The following EPS8 variants were observed in gnomAD, a reference collection of about 807,000 sequenced individuals.
EPS8 encodes the protein EGFR pathway substrate 8, signaling adaptor, also known as epidermal growth factor receptor kinase substrate 8.
EPS8 carries 42 observed loss-of-function variants against 103.8 expected under a neutral mutation model. The ratio of observed to expected loss-of-function variants is 0.40; its 90% confidence interval spans 0.32 to 0.52. The LOEUF (loss-of-function observed/expected upper bound fraction) is 0.52, where lower values mean the gene tolerates loss of function less well. Ranked by LOEUF, EPS8 falls within the 20% of genes least tolerant of loss-of-function variation. The pLI is 0.40. For synonymous variants in EPS8, 344 were observed against 344.6 expected, an observed-to-expected ratio of 1.00 and a Z score of 0.02; for missense variants, 969 against 1,005.1, an observed-to-expected ratio of 0.96 and a Z score of 0.49.
chr12:15,786,094 GTTCC>G (rs1947308211), intron 1 of EPS8, among the ~76,000 whole-genome samples: 1 of 151,986 alleles, frequency 6.6e-6, no homozygotes, highest in African/African-American at 2.4e-5. Context: ...GCTATACACA[GTTCC>G]TTCCTTCTAA....
chr12:15,766,354 C>T (rs922585306), intron 1 of EPS8, among the ~76,000 whole-genome samples: 1 of 151,560 alleles, frequency 6.6e-6, no homozygotes, highest in Non-Finnish European at 1.5e-5. Flanking sequence ...ATAGCTGGGC[C>T]TGGTGGTGGG....
At chr12:15,640,970 G>A in intron 16 of EPS8, 124 bp from the exon 17 acceptor site, 1 of 744,132 alleles carries the variant, frequency 1.3e-6, no homozygotes, top group East Asian at 2.6e-5. Flanking sequence ...TCAACATAGT[G>A]TTGATTGAAT....
At chr12:15,782,230 T>A (rs1947267577) in intron 1 of EPS8, 1 of 152,186 alleles carries the variant, frequency 6.6e-6, no homozygotes, top group Non-Finnish European at 1.5e-5. Context: ...TGGTGGCTCA[T>A]GCCTGTAATA....
intron 1 of EPS8, among the ~76,000 whole-genome samples, chr12:15,773,765 A>G (rs1395606143): frequency 1.3e-5 from 2 of 152,140 alleles, no homozygotes; most frequent in Non-Finnish European, 2.9e-5. Flanking sequence ...GGAAGAAGAA[A>G]GAAGTTCCTA....
chr12:15,640,958 C>G, intron 16 of EPS8, 112 bp from the exon 17 acceptor site: 1 of 834,330 alleles, frequency 1.2e-6, no homozygotes, highest in Admixed American at 2.2e-5. Context: ...ATTAACTCAG[C>G]ATCAACATAG....
chr12:15,729,159 G>A (rs558151435), intron 1 of EPS8, among the ~76,000 whole-genome samples: 10 of 152,096 alleles, frequency 6.6e-5, no homozygotes, highest in East Asian at 1.9e-4. Context: ...GTCACCCCCC[G>A]ACCTGTCAAA....
intron 12 of EPS8, among the ~76,000 whole-genome samples, chr12:15,655,889 C>T (rs1487033043): frequency 6.6e-6 from 1 of 152,184 alleles, no homozygotes; most frequent in East Asian, 1.9e-4. Context: ...GATGTTCCTC[C>T]CCATCTCCCT....
rs902677446 is a variant in EPS8, at chr12:15,778,466, G to T, written c.-22+10695C>A. On this transcript the variant is annotated intron_variant, in intron 1 of 20. Coordinates refer to ENST00000281172, the MANE Select transcript of EPS8 (RefSeq NM_004447.6). This position sits in a 1 kb window ranked among gnomAD's most constrained non-coding sequence, Gnocchi z 4.5. ...AAAATTAATGTTCTCTCGACTAAAA[G>T]GATCTTGATGTGCAAAAAACAAAAC... 2.0e-5 allele frequency among the ~76,000 whole-genome samples: 3 copies of T among 152,116 alleles called. No homozygotes were observed. Among genetic ancestry groups the T allele is most frequent in the Non-Finnish European group, 4.4e-5 (3 of 68,020 alleles).
chr12:15,662,679 C>T, intron 8 of EPS8: 1 of 983,144 alleles, frequency 1.0e-6, no homozygotes, highest in Non-Finnish European at 1.2e-6. Context: ...TGTCTTAAGA[C>T]CATTCAGGGT....
chr12:15,652,267 G>A (rs1363125594), intron 13 of EPS8, among the ~76,000 whole-genome samples: 1 of 152,152 alleles, frequency 6.6e-6, no homozygotes, highest in African/African-American at 2.4e-5. Flanking sequence ...GTAGACTGGT[G>A]TTTACTAGTG....
At position 15,631,574 on chromosome 12, in the gene EPS8, G is replaced by T; in HGVS notation, c.1912C>A (p.Pro638Thr). 1 of 1,614,024 alleles carries T rather than the reference G, an allele frequency of 6.2e-7. No homozygotes were observed. The highest frequency in any genetic ancestry group is 8.5e-7 in the Non-Finnish European group (1 of 1,179,916). ...PTPAPVPVPL[P>T]PSTPAPVPVS... ...GGAACAGGTGCTGGAGTGGAAGGGGGAAGGGGAACAGGAACAGGAGCTGGT... is the reference window on the plus strand; with the variant it reads ...GGAACAGGTGCTGGAGTGGAAGGGGTAAGGGGAACAGGAACAGGAGCTGGT... The change falls in exon 18 of 21, where the codon CCC (proline) becomes ACC (threonine). Residue 638 changes from proline (P) to threonine (T), a missense_variant. Transcript: ENST00000281172.
At chr12:15,648,933 A>C (rs1456296584) in intron 14 of EPS8, among the ~76,000 whole-genome samples, 1 of 152,192 alleles carries the variant, frequency 6.6e-6, no homozygotes, top group Admixed American at 6.5e-5. Context: ...TCTTGTTGTA[A>C]ATGCATTTAT....
At chr12:15,756,614 G>A (rs1284344861) in intron 1 of EPS8, among the ~76,000 whole-genome samples, 1 of 152,046 alleles carries the variant, frequency 6.6e-6, no homozygotes, top group African/African-American at 2.4e-5. Context: ...CAATATATTA[G>A]ATACTAGCAT....
At chr12:15,631,768 C>G (rs1339389442) in intron 17 of EPS8, 104 bp from the exon 18 acceptor site, 11 of 823,142 alleles carry the variant, frequency 1.3e-5, no homozygotes, top group Non-Finnish European at 2.1e-5. Context: ...TTTAAACTTA[C>G]TTGCAAACCC....
intron 18 of EPS8, among the ~76,000 whole-genome samples, chr12:15,630,701 A>AT (rs1945029965): frequency 6.6e-6 from 1 of 152,040 alleles, no homozygotes; most frequent in Non-Finnish European, 1.5e-5. Context: ...GAGGAAGAGA[A>AT]GTAGGAAGGT....
chr12:15,680,333 C>T (rs1945983144), intron 3 of EPS8, among the ~76,000 whole-genome samples: 1 of 152,022 alleles, frequency 6.6e-6, no homozygotes, highest in African/African-American at 2.4e-5. Context: ...CACATAATAT[C>T]GATAATATCA....
At chr12:15,775,142 T>C (rs1591935669) in intron 1 of EPS8, among the ~76,000 whole-genome samples, 3 of 152,060 alleles carry the variant, frequency 2.0e-5, no homozygotes, top group East Asian at 1.9e-4. Flanking sequence ...AAAAACAATT[T>C]TGCAACTTGG....
chr12:15,777,276 A>C lies in EPS8; in HGVS notation c.-22+11885T>G, dbSNP rs1004493882. Among the ~76,000 whole-genome samples the C allele has an allele frequency of 9.2e-5, 14 of 151,776 alleles. No individual in the cohort carries two copies. Among genetic ancestry groups the C allele is most frequent in the East Asian group, 7.9e-4 (4 of 5,058 alleles). Reference sequence around the variant, plus strand: ...GGGTACTTACAAAGCAGAATGAAAAAAAACACACACACACACACAAAACAA... The same window carrying C: ...GGGTACTTACAAAGCAGAATGAAAACAAACACACACACACACACAAAACAA... On this transcript the variant is annotated intron_variant, in intron 1 of 20. Transcript: ENST00000281172. The surrounding 1 kb of genome is among the most constrained non-coding windows in gnomAD (Gnocchi z 4.7).
chr12:15,739,481 A>G (rs547164463), intron 1 of EPS8, among the ~76,000 whole-genome samples: 1 of 151,734 alleles, frequency 6.6e-6, no homozygotes, highest in East Asian at 2.0e-4. Context: ...CACCCATCCA[A>G]TCGACTGGGG....
Sources: gnomAD v4.1 joint callset for allele counts (sites outside exome capture counted in the v4.1 genomes callset) on GRCh38, gnomAD v4.1.1 for gene constraint, Gnocchi (gnomAD v3.1) non-coding constraint, MANE v1.5 for transcripts, NCBI Gene and HGNC (gene_info 2026-07-23, HGNC 2026-07-21) for gene names.